The following GABPB2 variants were observed in gnomAD, a reference collection of about 807,000 sequenced individuals.
GABPB2 encodes GA binding protein transcription factor subunit beta 2.
A neutral mutation model predicts 39.1 loss-of-function variants in GABPB2; 23 were observed. That is an observed-to-expected ratio of 0.59 (90% CI 0.42 to 0.83). GABPB2 has a LOEUF of 0.83. Ranked by LOEUF, GABPB2 falls within the 40% of genes least tolerant of loss-of-function variation. GABPB2 has a pLI of 0.00. For missense variants in GABPB2, 467 were observed against 541.1 expected (o/e 0.86, Z 1.36); for synonymous variants, 184 against 199.3 (o/e 0.92, Z 0.65).
chr1:151,109,030 A>AT (rs1558155799), intron 7 of GABPB2, among the ~76,000 whole-genome samples: 1 of 151,668 alleles, frequency 6.6e-6, no homozygotes, highest in Admixed American at 6.6e-5. Context: ...TCTCTACGCA[A>AT]TTTTTTTAAA....
intron 1 of GABPB2, among the ~76,000 whole-genome samples, chr1:151,087,646 CA>C (rs909626387): frequency 2.7e-5 from 4 of 148,326 alleles, no homozygotes; most frequent in African/African-American, 1.0e-4. Flanking sequence ...GACTTAGTCT[CA>C]AAAAAAAAGA....
At chr1:151,104,245 G>GT (rs1428167597) in intron 6 of GABPB2, among the ~76,000 whole-genome samples, 1 of 152,166 alleles carries the variant, frequency 6.6e-6, no homozygotes, top group Non-Finnish European at 1.5e-5. Context: ...CTAGTGGTCT[G>GT]TGGGGGGAAG....
rs1019034000 is a variant in GABPB2 at position 151,070,858 on chromosome 1, G to A, written c.-77G>A. 2 of 152,240 alleles carry A rather than the reference G, an allele frequency of 1.3e-5. No individual in the cohort carries two copies. The highest frequency in any genetic ancestry group is 4.8e-5 in the African/African-American group (2 of 41,454). The allele number at this position is 152,240 out of a possible 1,614,324, so 9.4% of individuals were successfully genotyped here. A position where few individuals can be genotyped will look rare whatever the true frequency, so the allele number is the denominator to read the frequency against. The stretch of plus-strand genomic sequence containing the variant: ...AAAAAGTAACCGTCCTTGACAGGGA[G>A]TCTTAACTAGAGAAGGAAACGGGAC... On this transcript the variant is annotated 5_prime_UTR_variant, in exon 1 of 9. Transcript: ENST00000368918.
intron 1 of GABPB2, among the ~76,000 whole-genome samples, chr1:151,071,754 G>C (rs1676746997): frequency 6.6e-6 from 1 of 152,198 alleles, no homozygotes; most frequent in Non-Finnish European, 1.5e-5. Context: ...TTGCAGGCGT[G>C]AGCCACGGCT....
intron 4 of GABPB2, among the ~76,000 whole-genome samples, chr1:151,096,449 A>AAAGC (rs587607603): frequency 6.6e-6 from 1 of 152,104 alleles, no homozygotes; most frequent in South Asian, 2.1e-4. Flanking sequence ...AGAGACAGAG[A>AAAGC]AAGCAAGCAA....
intron 1 of GABPB2, among the ~76,000 whole-genome samples, chr1:151,073,836 C>G (rs1369722196): frequency 6.6e-6 from 1 of 151,872 alleles, no homozygotes; most frequent in Non-Finnish European, 1.5e-5. Context: ...AGGAGAATCA[C>G]TTGTACCCAG....
intron 7 of GABPB2, chr1:151,112,234 A>C (rs1680498976): frequency 6.6e-6 from 1 of 150,432 alleles, no homozygotes; most frequent in Non-Finnish European, 1.5e-5. Context: ...AAAAAAAAAA[A>C]AAAAAAAAAA....
At chr1:151,075,237 T>C (rs2102991978) in intron 1 of GABPB2, among the ~76,000 whole-genome samples, 2 of 152,056 alleles carry the variant, frequency 1.3e-5, no homozygotes, top group East Asian at 3.9e-4. Context: ...AAGACCATCC[T>C]GGCTAACACG....
At chr1:151,071,156 G>A (rs913283558) in intron 1 of GABPB2, among the ~76,000 whole-genome samples, 1 of 152,006 alleles carries the variant, frequency 6.6e-6, no homozygotes, top group Admixed American at 6.6e-5. Context: ...GAAGAAGGGG[G>A]TGGGTGTAAG....
At chr1:151,117,247 G>A in intron 7 of GABPB2, 145 bp from the exon 8 acceptor site, 1 of 756,648 alleles carries the variant, frequency 1.3e-6, no homozygotes, top group Non-Finnish European at 2.2e-6. Context: ...CCTCCAGTCA[G>A]CTGCCTGAGT....
At chr1:151,071,453 C>CTTTTTTTTTTTT (rs71090124) in intron 1 of GABPB2, among the ~76,000 whole-genome samples, 1 of 100,502 alleles carries the variant, frequency 1.0e-5, no homozygotes, top group African/African-American at 3.9e-5. Context: ...CTTTTTTGCT[C>CTTTTTTTTTTTT]TTTTTTTTTT....
chr1:151,105,405 GTATATCAAATATATATACAAATATA>G lies in GABPB2; in HGVS notation c.737-1609_737-1585del, dbSNP rs1489030840. ...GTGTATATATATGTATATATCAAAT[GTATATCAAATATATATACAAATATA>G]TATATCAAATATATATACAAATGTA... On this transcript the variant is annotated intron_variant, in intron 6 of 8. Transcript: ENST00000368918. Among the ~76,000 whole-genome samples the G allele has an allele frequency of 3.4e-5, 5 of 147,578 alleles. No individual in the cohort carries two copies. The South Asian group carries it at 8.5e-4, about 25-fold the overall frequency.
At chr1:151,075,812 A>G (rs1677128375) in intron 1 of GABPB2, among the ~76,000 whole-genome samples, 1 of 151,724 alleles carries the variant, frequency 6.6e-6, no homozygotes, top group South Asian at 2.1e-4. Flanking sequence ...ATTTCACCCA[A>G]CTCCTATGCA....
chr1:151,073,979 CTTTTT>C (rs587690492), intron 1 of GABPB2, among the ~76,000 whole-genome samples: 1 of 129,050 alleles, frequency 7.7e-6, no homozygotes, highest in Non-Finnish European at 1.7e-5. Context: ...ATGGTTATTT[CTTTTT>C]TTTTTTTTTT....
rs1681305000 is a variant in GABPB2 at position 151,124,473 on chromosome 1, G to C, written c.*6217G>C. ...CTTTTTTTTTTTTTTTTTCTCACCA[G>C]TATGATGATGACCATTTTAAGAAAG... On this transcript the variant is annotated 3_prime_UTR_variant, in exon 9 of 9. Coordinates refer to ENST00000368918, the MANE Select transcript of GABPB2 (RefSeq NM_144618.3). The C allele has an allele frequency of 6.8e-6, 1 of 145,988 alleles. No homozygotes were observed. Among genetic ancestry groups the C allele is most frequent in the Non-Finnish European group, 1.5e-5 (1 of 67,002 alleles). 9.0% of individuals were successfully genotyped at this position (145,988 alleles called of 1,614,324 possible). A position where few individuals can be genotyped will look rare whatever the true frequency, so the allele number is the denominator to read the frequency against.
At chr1:151,087,515 C>T (rs1678305782) in intron 1 of GABPB2, among the ~76,000 whole-genome samples, 3 of 151,822 alleles carry the variant, frequency 2.0e-5, no homozygotes, top group South Asian at 4.2e-4. Flanking sequence ...GGCATGGTGG[C>T]GGGTGCCTGT....
At position 151,090,555 on chromosome 1, in the gene GABPB2, C is replaced by T. The variant is rs145720065; in HGVS notation, c.258C>T (p.Ile86=). 13 of 1,613,542 alleles carry T rather than the reference C, an allele frequency of 8.1e-6. No homozygotes were observed. In the Admixed American group the frequency reaches 8.3e-5, roughly 10 times the overall value. The part of the protein sequence containing the change: ...HMAAADGHAH[I]VELLVRNGAD... ...CTGCAGCCGATGGACATGCGCACAT[C>T]GTGGAACTGCTTGTTCGGGTAAAGC... is the stretch of plus-strand genomic sequence containing the variant. Residue 86 remains isoleucine (I), a synonymous_variant, in exon 3 of 9, where the codon ATC becomes ATT. Coordinates refer to ENST00000368918, the MANE Select transcript of GABPB2 (RefSeq NM_144618.3).
intron 1 of GABPB2, among the ~76,000 whole-genome samples, chr1:151,072,577 G>A (rs963210650): frequency 2.0e-5 from 3 of 152,162 alleles, no homozygotes; most frequent in East Asian, 1.9e-4. Context: ...CGGGCGTGGT[G>A]GCTCTGGCCT....
intron 3 of GABPB2, among the ~76,000 whole-genome samples, chr1:151,091,017 CAAA>C (rs1199424181): frequency 1.4e-5 from 2 of 143,634 alleles, no homozygotes; most frequent in Admixed American, 1.4e-4. Flanking sequence ...CAAAACAAAA[CAAA>C]AAAACAAAAA....
Sources: gnomAD v4.1 joint callset for allele counts (sites outside exome capture counted in the v4.1 genomes callset) on GRCh38, gnomAD v4.1.1 for gene constraint, MANE v1.5 for transcripts, NCBI Gene and HGNC (gene_info 2026-07-23, HGNC 2026-07-21) for gene names.